Variants in TMEM38B observed in about 807,000 individuals in gnomAD.
The protein encoded by TMEM38B is trimeric intracellular cation channel type B.
In TMEM38B, 24 loss-of-function variants were observed where a neutral mutation model predicts 28.7. The observed-to-expected ratio is 0.84, with a 90% CI of 0.61 to 1.18. The LOEUF (loss-of-function observed/expected upper bound fraction) is 1.18, where lower values mean the gene tolerates loss of function less well. TMEM38B is among the 50% of genes most tolerant of loss of function. TMEM38B has a pLI of 0.00. For missense variants in TMEM38B, 380 were observed against 350.9 expected (o/e 1.08, Z -0.66); for synonymous variants, 131 against 127.7 (o/e 1.03, Z -0.17).
chr9:105,756,495 GT>G (rs1267814736), intron 5 of TMEM38B, among the ~76,000 whole-genome samples: 2 of 152,090 alleles, frequency 1.3e-5, no homozygotes, highest in Non-Finnish European at 2.9e-5. Flanking sequence ...TTATTTTTGA[GT>G]TTCTAACTTT....
intron 2 of TMEM38B, among the ~76,000 whole-genome samples, chr9:105,706,936 C>T (rs1835692723): frequency 6.6e-6 from 1 of 152,110 alleles, no homozygotes; most frequent in Non-Finnish European, 1.5e-5. Context: ...GCCACCACGT[C>T]TGGCTAATTT....
At chr9:105,695,771 T>C (rs1291240395) in intron 1 of TMEM38B, among the ~76,000 whole-genome samples, 1 of 152,124 alleles carries the variant, frequency 6.6e-6, no homozygotes, top group Non-Finnish European at 1.5e-5. Flanking sequence ...TTTTAAAAAA[T>C]CCTTAGACCT....
At chr9:105,717,377 A>G (rs774129076) in intron 2 of TMEM38B, among the ~76,000 whole-genome samples, 11 of 152,056 alleles carry the variant, frequency 7.2e-5, no homozygotes, top group Non-Finnish European at 1.6e-4. Flanking sequence ...AGCATATAAC[A>G]AGAGAAAATG....
At chr9:105,749,905 T>C (rs1289703765) in intron 5 of TMEM38B, among the ~76,000 whole-genome samples, 1 of 152,244 alleles carries the variant, frequency 6.6e-6, no homozygotes, top group African/African-American at 2.4e-5. Flanking sequence ...TTTTAGGCCA[T>C]ATGTTAATTC....
At position 105,748,105 on chromosome 9, in the gene TMEM38B, T is replaced by C. The variant is rs1837497089; in HGVS notation, c.575T>C (p.Ile192Thr). Residue 192 changes from isoleucine to threonine, a missense_variant, in exon 5 of 6, where the codon ATC (isoleucine) becomes ACC (threonine). Physicochemically the swap from Ile to Thr is moderately conservative, Grantham distance 89. Transcript: ENST00000374692. Reference sequence around the variant, plus strand: ...AAGGTAACCCTGCTGGGGTCAGTTATCTTCACATTCCAGCACACCCAGCAT... The same window carrying C: ...AAGGTAACCCTGCTGGGGTCAGTTACCTTCACATTCCAGCACACCCAGCAT... ...PAKVTLLGSV[I>T]FTFQHTQHLA... 2 of 1,613,610 alleles carry C rather than the reference T, an allele frequency of 1.2e-6. No homozygotes were observed. The highest frequency in any genetic ancestry group is 1.3e-5 in the African/African-American group (1 of 75,028).
intron 5 of TMEM38B, among the ~76,000 whole-genome samples, chr9:105,752,131 T>A (rs1190326134): frequency 6.6e-6 from 1 of 152,144 alleles, no homozygotes. Flanking sequence ...GGAGAGGACC[T>A]CCCTACGGGG....
intron 4 of TMEM38B, among the ~76,000 whole-genome samples, chr9:105,732,541 C>A (rs1055668327): frequency 6.6e-6 from 1 of 152,154 alleles, no homozygotes; most frequent in Admixed American, 6.5e-5. Context: ...AGCCAGTTTT[C>A]CCAGCACCAT....
intron 4 of TMEM38B, among the ~76,000 whole-genome samples, chr9:105,744,059 G>A (rs576204116): frequency 6.6e-6 from 1 of 151,812 alleles, no homozygotes; most frequent in East Asian, 1.9e-4. Context: ...TTTTTGCTAA[G>A]TTTAATTCCT....
At chr9:105,711,682 T>A (rs919180332) in intron 2 of TMEM38B, among the ~76,000 whole-genome samples, 1 of 151,738 alleles carries the variant, frequency 6.6e-6, no homozygotes, top group Non-Finnish European at 1.5e-5. Context: ...TAGCTGAGTG[T>A]CGTGACGCAT....
chr9:105,747,543 A>AT (rs1310855162), intron 4 of TMEM38B, among the ~76,000 whole-genome samples: 1 of 151,974 alleles, frequency 6.6e-6, no homozygotes, highest in African/African-American at 2.4e-5. Context: ...GGATTCATTG[A>AT]TTTTTTGAAG....
chr9:105,760,420 AAG>A (rs1223864270), intron 5 of TMEM38B: 1 of 740,400 alleles, frequency 1.4e-6, no homozygotes, highest in Non-Finnish European at 2.5e-6. Flanking sequence ...ATACTTAAAA[AAG>A]GGACATATTG....
intron 5 of TMEM38B, chr9:105,760,640 A>G: frequency 1.2e-6 from 1 of 850,510 alleles, no homozygotes; most frequent in South Asian, 1.4e-5. Context: ...CCCTTGATAT[A>G]TCAGAAAAGA....
At chr9:105,731,172 G>A (rs900608559) in intron 4 of TMEM38B, among the ~76,000 whole-genome samples, 2 of 151,766 alleles carry the variant, frequency 1.3e-5, no homozygotes. Flanking sequence ...GTTGATTTTA[G>A]GTCTTTCCTG....
At chr9:105,707,961 A>G (rs904353207) in intron 2 of TMEM38B, among the ~76,000 whole-genome samples, 6 of 152,200 alleles carry the variant, frequency 3.9e-5, no homozygotes, top group East Asian at 1.9e-4. Context: ...TTTGATGTGT[A>G]TAGATGCTGA....
At chr9:105,760,645 A>G in intron 5 of TMEM38B, 1 of 886,592 alleles carries the variant, frequency 1.1e-6, no homozygotes. Flanking sequence ...GATATATCAG[A>G]AAAGATTTCC....
chr9:105,702,326 G>C (rs1414110434), intron 1 of TMEM38B, among the ~76,000 whole-genome samples: 1 of 152,068 alleles, frequency 6.6e-6, no homozygotes, highest in Admixed American at 6.6e-5. Context: ...GTTTTAAGAA[G>C]GCTAGAACAT....
intron 4 of TMEM38B, among the ~76,000 whole-genome samples, chr9:105,723,264 C>T (rs994215896): frequency 6.6e-6 from 1 of 152,120 alleles, no homozygotes; most frequent in Non-Finnish European, 1.5e-5. Flanking sequence ...TTCTGTTGTT[C>T]AGGCTTTAGT....
At chr9:105,702,086 C>A (rs921578616) in intron 1 of TMEM38B, among the ~76,000 whole-genome samples, 5 of 152,156 alleles carry the variant, frequency 3.3e-5, no homozygotes, top group Admixed American at 3.3e-4. Flanking sequence ...CAAAAAAATC[C>A]CCCAAACTTG....
chr9:105,761,104 G>GC (rs1838030277), intron 5 of TMEM38B, among the ~76,000 whole-genome samples: 1 of 152,150 alleles, frequency 6.6e-6, no homozygotes, highest in Admixed American at 6.5e-5. Flanking sequence ...AAATTTATCT[G>GC]CATATGTGCA....
Sources: gnomAD v4.1 joint callset for allele counts (sites outside exome capture counted in the v4.1 genomes callset) on GRCh38, gnomAD v4.1.1 for gene constraint, MANE v1.5 for transcripts, NCBI Gene and HGNC (gene_info 2026-07-23, HGNC 2026-07-21) for gene names.